The following TMEM255A variants were observed in gnomAD, a reference collection of about 807,000 sequenced individuals.
TMEM255A encodes family with sequence similarity 70, member A.
A neutral mutation model predicts 23.5 loss-of-function variants in TMEM255A; 14 were observed. The observed-to-expected ratio is 0.60, with a 90% CI of 0.39 to 0.93. The LOEUF is 0.93. Ranked by LOEUF, TMEM255A falls within the 40% of genes least tolerant of loss-of-function variation. TMEM255A has a pLI of 0.00. For synonymous variants in TMEM255A, 104 were observed against 100.3 expected (o/e 1.04, Z -0.22); for missense variants, 233 against 261.7 (o/e 0.89, Z 0.76).
chrX:120,283,816 C>T (rs1181233766), intron 6 of TMEM255A, among the ~76,000 whole-genome samples: 4 of 111,224 alleles, frequency 3.6e-5, no homozygotes, highest in African/African-American at 1.3e-4. Context: ...TCCTCAACCA[C>T]TCAATTCCAT....
chrX:120,287,528 G>A (rs1489406994), intron 4 of TMEM255A, among the ~76,000 whole-genome samples: 1 of 111,422 alleles, frequency 9.0e-6, no homozygotes, highest in African/African-American at 3.3e-5. Flanking sequence ...TCTGGCCTTT[G>A]TCTTCTTGTA....
chrX:120,258,942 T>C lies in TMEM255A; in HGVS notation c.*1928A>G. ...TTTTTCTAAGGTAACATGCACTTTG[T>C]ATAATTCAATGTAATAAAAAAGCTG... On this transcript the variant is annotated 3_prime_UTR_variant, in exon 9 of 9. Transcript: ENST00000371369. The C allele has an allele frequency of 8.9e-6, 1 of 112,687 alleles. No individual in the cohort carries two copies. The highest frequency in any genetic ancestry group is 3.2e-5 in the African/African-American group (1 of 30,973). 9.3% of individuals were successfully genotyped at this position (112,687 alleles called of 1,213,427 possible).
At chrX:120,252,149 T>TG in the TMEM255A span, among the ~76,000 whole-genome samples, 1 of 111,771 alleles carries the variant, frequency 8.9e-6, no homozygotes, top group African/African-American at 3.3e-5. Context: ...GGTATCATTT[T>TG]GAAAAATTTA....
chrX:120,254,664 ACTTT>A, downstream of TMEM255A: 1 of 1,212,162 alleles, frequency 8.2e-7, no homozygotes, highest in African/African-American at 1.7e-5. Flanking sequence ...GAAGATCATT[ACTTT>A]AGATACAGCT....
intron 7 of TMEM255A, among the ~76,000 whole-genome samples, 193 bp from the exon 8 acceptor site, chrX:120,268,580 T>C (rs971742989): frequency 1.8e-5 from 2 of 111,862 alleles, no homozygotes; most frequent in African/African-American, 6.5e-5. Context: ...TATAACATGA[T>C]CCCAATTTAT....
At chrX:120,298,587 T>A (rs1436688005) in intron 2 of TMEM255A, among the ~76,000 whole-genome samples, 1 of 111,119 alleles carries the variant, frequency 9.0e-6, no homozygotes, top group Non-Finnish European at 1.9e-5. Flanking sequence ...TCTACTTGGT[T>A]GTTAGATAAT....
intron 8 of TMEM255A, among the ~76,000 whole-genome samples, chrX:120,263,868 C>T (rs1345704830): frequency 9.0e-6 from 1 of 111,362 alleles, no homozygotes; most frequent in African/African-American, 3.3e-5. Flanking sequence ...CTAAGGCTCT[C>T]AGCAACCTGT....
chrX:120,287,268 T>C, intron 4 of TMEM255A, 46 bp from the exon 5 acceptor site: 1 of 1,032,805 alleles, frequency 9.7e-7, no homozygotes, highest in Non-Finnish European at 1.4e-6. Context: ...CTTTGGAAAA[T>C]AAAACAGCAA....
At chrX:120,290,159 C>T (rs1021220251) in intron 4 of TMEM255A, among the ~76,000 whole-genome samples, 4 of 111,493 alleles carry the variant, frequency 3.6e-5, no homozygotes, top group East Asian at 2.8e-4. Flanking sequence ...GAATTATACA[C>T]ATTAAATGGG....
In TMEM255A at chrX:120,259,735, ATACC is replaced by A. The variant is rs2057663810; in HGVS notation, c.*1131_*1134del. 8.9e-6 allele frequency: 1 copy of A among 112,151 alleles called. No homozygotes were observed. Among genetic ancestry groups the A allele is most frequent in the Non-Finnish European group, 1.9e-5 (1 of 53,180 alleles). 9.2% of individuals were successfully genotyped at this position (112,151 alleles called of 1,213,427 possible). On this transcript the variant is annotated 3_prime_UTR_variant, in exon 9 of 9. Coordinates refer to ENST00000371369, the MANE Select transcript of TMEM255A (RefSeq NM_001104544.3). ...ATGTGTAATTAAAAGAACTGTACAA[ATACC>A]TACCACGGTGTGCCAGATGGATTTT...
intron 2 of TMEM255A, among the ~76,000 whole-genome samples, chrX:120,295,648 T>C (rs1232111983): frequency 8.9e-6 from 1 of 112,055 alleles, no homozygotes; most frequent in African/African-American, 3.2e-5. Flanking sequence ...TAAAACTTAG[T>C]TATCACACTA....
At chrX:120,269,121 C>T (rs1246312051) in intron 7 of TMEM255A, among the ~76,000 whole-genome samples, 3 of 63,106 alleles carry the variant, frequency 4.8e-5, no homozygotes, top group Non-Finnish European at 6.5e-5. Flanking sequence ...ATATATTGAT[C>T]CCCCCACCTT....
downstream of TMEM255A, chrX:120,257,522 A>G (rs1603398940): frequency 1.6e-5 from 2 of 123,380 alleles, no homozygotes; most frequent in African/African-American, 3.2e-5. Flanking sequence ...TCCATTCTGA[A>G]TAATAGGTAT....
At chrX:120,265,755 C>T (rs2057712154) in intron 8 of TMEM255A, among the ~76,000 whole-genome samples, 1 of 111,455 alleles carries the variant, frequency 9.0e-6, no homozygotes, top group African/African-American at 3.3e-5. Flanking sequence ...GAGTACTTCT[C>T]TTAAAGAGGT....
rs782251591 is a variant in TMEM255A at position 120,273,755 on chromosome X, T to C, written c.675+3130A>G. 1.6e-4 allele frequency among the ~76,000 whole-genome samples: 18 copies of C among 112,093 alleles called. No homozygotes were observed. In the South Asian group the frequency reaches 6.7e-3, roughly 42 times the overall value. On this transcript the variant is annotated intron_variant, in intron 7 of 8. Transcript: ENST00000371369. ...CCCACTAGAATGTTTATAATTTTTT[T>C]TGAGAAAGTGTTGGTGAGGATGTGG... is the stretch of plus-strand genomic sequence containing the variant.
At chrX:120,307,470 A>G (rs1380702911) in intron 1 of TMEM255A, among the ~76,000 whole-genome samples, 1 of 112,425 alleles carries the variant, frequency 8.9e-6, no homozygotes, top group Non-Finnish European at 1.9e-5. Context: ...AGGTACTTAA[A>G]TAAAGCAGCA....
At chrX:120,306,145 G>T (rs188176999) in intron 1 of TMEM255A, among the ~76,000 whole-genome samples, 1 of 111,386 alleles carries the variant, frequency 9.0e-6, no homozygotes, top group East Asian at 2.8e-4. Context: ...CAGCCTCCAT[G>T]GGACAAAAAC....
At chrX:120,256,788 A>AT (rs782587377), downstream of TMEM255A, 1,344 of 109,354 alleles carry the variant, frequency 0.012, 9 homozygotes, top group African/African-American at 0.024. Context: ...TCTGTAAATG[A>AT]TTTTTTTTTT....
intron 2 of TMEM255A, among the ~76,000 whole-genome samples, chrX:120,301,049 G>C (rs1389898534): frequency 9.0e-6 from 1 of 110,922 alleles, no homozygotes; most frequent in Non-Finnish European, 1.9e-5. Flanking sequence ...AAACTTTACA[G>C]TTCAGACTGT....
Sources: gnomAD v4.1 joint callset for allele counts (sites outside exome capture counted in the v4.1 genomes callset) on GRCh38, gnomAD v4.1.1 for gene constraint, MANE v1.5 for transcripts, NCBI Gene and HGNC (gene_info 2026-07-23, HGNC 2026-07-21) for gene names.